The following AFF2 variants were observed in gnomAD, a reference collection of about 807,000 sequenced individuals.
The protein encoded by AFF2 is AF4/FMR2 family member 2.
A neutral mutation model predicts 76.9 loss-of-function variants in AFF2; 14 were observed. That is an observed-to-expected ratio of 0.18 (90% CI 0.12 to 0.28). The LOEUF is 0.28. Among genes scored for constraint, AFF2 ranks in the 10% least tolerant of loss-of-function variants. The pLI is 1.00. For missense variants in AFF2, 868 were observed against 1,001.1 expected, an observed-to-expected ratio of 0.87 and a Z score of 1.79; for synonymous variants, 398 against 366.7, an observed-to-expected ratio of 1.09 and a Z score of -0.98.
intron 1 of AFF2, among the ~76,000 whole-genome samples, chrX:148,604,156 T>C (rs1476719366): frequency 2.7e-5 from 3 of 111,885 alleles, no homozygotes; most frequent in Non-Finnish European, 5.6e-5. Context: ...TACTTTGCAA[T>C]TGTTTCTTGG....
intron 3 of AFF2, among the ~76,000 whole-genome samples, chrX:148,773,897 G>T (rs979287343): frequency 1.8e-5 from 2 of 111,176 alleles, no homozygotes; most frequent in African/African-American, 3.3e-5. Context: ...GCTACAAGTT[G>T]TTCATTTTGC....
At chrX:148,772,510 T>A (rs1404020636) in intron 3 of AFF2, among the ~76,000 whole-genome samples, 1 of 101,674 alleles carries the variant, frequency 9.8e-6, no homozygotes, top group Non-Finnish European at 2.0e-5. Flanking sequence ...CAAAGTTGTT[T>A]TTTTTTCTTT....
At chrX:148,743,628 G>C (rs1366615633) in intron 3 of AFF2, among the ~76,000 whole-genome samples, 3 of 110,969 alleles carry the variant, frequency 2.7e-5, no homozygotes, top group East Asian at 5.7e-4. Flanking sequence ...TCTGCTCCTT[G>C]CATTTTGCTG....
intron 1 of AFF2, among the ~76,000 whole-genome samples, chrX:148,624,081 C>T (rs1308429523): frequency 8.9e-6 from 1 of 111,842 alleles, no homozygotes; most frequent in Admixed American, 9.5e-5. Flanking sequence ...ATAACATAGG[C>T]TTATTTTGTA....
intron 3 of AFF2, among the ~76,000 whole-genome samples, chrX:148,804,479 G>T (rs185068244): frequency 8.9e-6 from 1 of 112,441 alleles, no homozygotes; most frequent in Admixed American, 9.4e-5. Flanking sequence ...CCTGTATTTG[G>T]CTTAAAAAGA....
intron 3 of AFF2, among the ~76,000 whole-genome samples, chrX:148,721,184 G>A (rs1433544807): frequency 1.8e-5 from 2 of 111,981 alleles, no homozygotes; most frequent in African/African-American, 6.5e-5. Context: ...AAAATGCAAA[G>A]GAAAATATAT....
At chrX:148,969,998 G>A (rs1603350926) in intron 15 of AFF2, among the ~76,000 whole-genome samples, 1 of 111,563 alleles carries the variant, frequency 9.0e-6, no homozygotes, top group African/African-American at 3.3e-5. Context: ...TTTAGGCTAG[G>A]TGATCTCTAC....
At chrX:148,504,122 A>T (rs1315707797) in intron 1 of AFF2, among the ~76,000 whole-genome samples, 1 of 111,728 alleles carries the variant, frequency 9.0e-6, no homozygotes, top group Non-Finnish European at 1.9e-5. Flanking sequence ...ACTGAAGATC[A>T]GGTAATGATG....
At chrX:148,978,562 T>A in intron 18 of AFF2, 107 bp downstream of exon 18, 1 of 550,140 alleles carries the variant, frequency 1.8e-6, no homozygotes, top group East Asian at 3.5e-5. Flanking sequence ...TTAACCTCTC[T>A]CCTCCCTGCT....
At chrX:148,595,083 G>A (rs1191816316) in intron 1 of AFF2, among the ~76,000 whole-genome samples, 1 of 112,037 alleles carries the variant, frequency 8.9e-6, no homozygotes, top group Non-Finnish European at 1.9e-5. Flanking sequence ...GTAGGAGAGA[G>A]GGAGAGAATA....
intron 9 of AFF2, among the ~76,000 whole-genome samples, chrX:148,941,850 G>GGTAACCAGTAACAC (rs199979154): frequency 2.4e-4 from 26 of 110,127 alleles, no homozygotes; most frequent in Non-Finnish European, 4.7e-4. Flanking sequence ...GGCTTCTGTT[G>GGTAACCAGTAACAC]ATACACATTT....
chrX:148,568,088 G>T (rs1209750579), intron 1 of AFF2, among the ~76,000 whole-genome samples: 1 of 111,045 alleles, frequency 9.0e-6, no homozygotes, highest in Non-Finnish European at 1.9e-5. Context: ...TAGGGTTGCA[G>T]TCCACAGTCA....
intron 3 of AFF2, among the ~76,000 whole-genome samples, chrX:148,712,218 T>G (rs2054975449): frequency 8.9e-6 from 1 of 111,813 alleles, no homozygotes; most frequent in African/African-American, 3.3e-5. Context: ...AACATAGGAT[T>G]TGGAAGTATA....
intron 3 of AFF2, among the ~76,000 whole-genome samples, chrX:148,676,630 T>G (rs1170098417): frequency 2.7e-5 from 3 of 112,081 alleles, no homozygotes; most frequent in Admixed American, 9.5e-5. Flanking sequence ...AAAGAATAGC[T>G]ATCTGAGGTG....
intron 3 of AFF2, among the ~76,000 whole-genome samples, chrX:148,759,456 G>A (rs1341351650): frequency 1.8e-5 from 2 of 112,325 alleles, no homozygotes; most frequent in Admixed American, 1.9e-4. Context: ...TATTTCCCAA[G>A]AAATATTGTA....
At chrX:148,934,857 G>A (rs1176334715) in intron 9 of AFF2, among the ~76,000 whole-genome samples, 1 of 111,744 alleles carries the variant, frequency 8.9e-6, no homozygotes, top group East Asian at 2.8e-4. Context: ...AAGAATCATA[G>A]ATAAACATGC....
Position 148,904,834 on chromosome X carries a change from T to G in AFF2, c.1397+576T>G, listed in dbSNP as rs2071391046. ...ATAAACAAGCTACACAGACCTCCTT[T>G]AAATATAGTACATCTTAGACATCCT... On this transcript the variant is annotated intron_variant, in intron 9 of 20. Transcript: ENST00000370460. Among the ~76,000 whole-genome samples the G allele has an allele frequency of 2.7e-5, 3 of 112,535 alleles. No individual in the cohort carries two copies. The South Asian group carries it at 1.1e-3, about 42-fold the overall frequency.
chrX:148,882,972 G>C (rs1174408727), intron 7 of AFF2, among the ~76,000 whole-genome samples: 4 of 111,815 alleles, frequency 3.6e-5, no homozygotes, highest in African/African-American at 9.8e-5. Context: ...TCCATACCAA[G>C]CTTGTTGCAT....
intron 1 of AFF2, among the ~76,000 whole-genome samples, chrX:148,627,033 C>T (rs1326548544): frequency 1.8e-5 from 2 of 110,200 alleles, no homozygotes; most frequent in African/African-American, 6.6e-5. Context: ...ATCTAGCACT[C>T]CATCTCCACA....
Sources: allele counts gnomAD v4.1 joint callset (sites outside exome capture counted in the v4.1 genomes callset), GRCh38; gene constraint gnomAD v4.1.1; transcripts MANE v1.5; gene names NCBI Gene and HGNC (gene_info 2026-07-23, HGNC 2026-07-21).